The following CELF5 variants were observed in gnomAD, a reference collection of about 807,000 sequenced individuals.
CELF5 encodes CUGBP Elav-like family member 5.
A neutral mutation model predicts 54.9 loss-of-function variants in CELF5; 6 were observed. The observed-to-expected ratio is 0.11, with a 90% confidence interval of 0.06 to 0.22. CELF5 has a LOEUF of 0.22. CELF5 is among the 10% of genes least tolerant of loss of function. The probability of loss-of-function intolerance (pLI) is 1.00; values close to 1 mark genes in which losing one functional copy is unlikely to be tolerated. For synonymous variants in CELF5, 271 were observed against 290.9 expected (o/e 0.93, Z 0.70); for missense variants, 401 against 678.6 (o/e 0.59, Z 4.54).
At chr19:3,285,477 A>G (rs1202699949) in intron 9 of CELF5, among the ~76,000 whole-genome samples, 2 of 110,908 alleles carry the variant, frequency 1.8e-5, no homozygotes, top group Non-Finnish European at 3.7e-5. Flanking sequence ...GGTCCTGCCC[A>G]CATAGCCCTC....
chr19:3,285,121 T>A (rs962607913), intron 9 of CELF5, among the ~76,000 whole-genome samples, 157 bp downstream of exon 9: 1 of 139,174 alleles, frequency 7.2e-6, no homozygotes, highest in East Asian at 2.2e-4. Flanking sequence ...CCCCTTGTCC[T>A]GTATTCAACC....
chr19:3,256,216 T>TA (rs2079723703), intron 2 of CELF5, among the ~76,000 whole-genome samples: 1 of 152,116 alleles, frequency 6.6e-6, no homozygotes, highest in East Asian at 1.9e-4. Context: ...TATTCGTGGG[T>TA]AACTGCCTCT....
At chr19:3,289,415 C>T (rs2080305184) in intron 10 of CELF5, among the ~76,000 whole-genome samples, 1 of 152,128 alleles carries the variant, frequency 6.6e-6, no homozygotes, top group Non-Finnish European at 1.5e-5. Context: ...GGTGCAATGG[C>T]TCACGCCTGT....
At chr19:3,284,849 G>A in intron 8 of CELF5, 53 bp from the exon 9 acceptor site, 1 of 1,513,206 alleles carries the variant, frequency 6.6e-7, no homozygotes, top group Non-Finnish European at 9.2e-7. Context: ...ATCGGGGGTG[G>A]ATGGAAGACT....
At chr19:3,296,180 G>A (rs867965823) in intron 12 of CELF5, 70 of 127,624 alleles carry the variant, frequency 5.5e-4, no homozygotes, top group African/African-American at 2.0e-3. Flanking sequence ...GTGGGGTGGG[G>A]TGTCTTTGTG....
chr19:3,293,223 C>A, intron 11 of CELF5, 96 bp from the exon 12 acceptor site: 2 of 1,541,208 alleles, frequency 1.3e-6, no homozygotes, highest in Non-Finnish European at 8.8e-7. Context: ...CAGGCCTGCT[C>A]AGGACCCCGT....
intron 1 of CELF5, among the ~76,000 whole-genome samples, chr19:3,250,449 A>G (rs2079633267): frequency 6.6e-6 from 1 of 152,242 alleles, no homozygotes. Context: ...AGATCGCGCC[A>G]CTGCACTCCA....
intron 5 of CELF5, among the ~76,000 whole-genome samples, chr19:3,279,881 G>T (rs1402513289): frequency 6.6e-6 from 1 of 152,014 alleles, no homozygotes; most frequent in Non-Finnish European, 1.5e-5. Context: ...TTTTGTATTT[G>T]TAGTAGAGAC....
chr19:3,225,089 C>G, intron 1 of CELF5, 91 bp downstream of exon 1: 1 of 859,692 alleles, frequency 1.2e-6, no homozygotes, highest in Non-Finnish European at 1.7e-6. Context: ...CATCCCTCCT[C>G]TGCTCACCTC....
Position 3,224,864 on chromosome 19 carries a change from T to C in CELF5, c.125T>C (p.Leu42Pro), listed in dbSNP as rs1225435467. The C allele has an allele frequency of 6.2e-7, 1 of 1,606,704 alleles. No homozygotes were observed. The highest frequency in any genetic ancestry group is 8.5e-7 in the Non-Finnish European group (1 of 1,177,286). ...PGGQPDGMKD[L>P]DAIKLFVGQI... ...GGGCAGCCCGACGGCATGAAGGACCTGGACGCCATCAAACTCTTCGTGGGC... is the reference window on the plus strand; with the variant it reads ...GGGCAGCCCGACGGCATGAAGGACCCGGACGCCATCAAACTCTTCGTGGGC... The change falls in exon 1 of 13, where the codon CTG becomes CCG. Residue 42 changes from leucine to proline, a missense_variant. Leu to Pro is a moderately conservative substitution (Grantham distance 98). This residue lies in a region of CELF5 where 66 missense variants were observed against 132.3 expected (regional missense o/e 0.50). Coordinates refer to ENST00000292672, the MANE Select transcript of CELF5 (RefSeq NM_021938.4).
At chr19:3,270,565 G>T (rs993233420) in intron 2 of CELF5, 3 of 147,060 alleles carry the variant, frequency 2.0e-5, no homozygotes, top group African/African-American at 7.3e-5. Flanking sequence ...GCGGCGCGGG[G>T]CCCGAGCGTG....
At chr19:3,260,486 G>C (rs1454624430) in intron 2 of CELF5, among the ~76,000 whole-genome samples, 1 of 150,334 alleles carries the variant, frequency 6.7e-6, no homozygotes, top group African/African-American at 2.5e-5. Flanking sequence ...ATAGGGTCTT[G>C]CTCTGTTGCC....
intron 10 of CELF5, among the ~76,000 whole-genome samples, chr19:3,287,595 A>G (rs1229015954): frequency 6.6e-6 from 1 of 150,554 alleles, no homozygotes; most frequent in Non-Finnish European, 1.5e-5. Context: ...AAAAATAAAA[A>G]CGAGGAAAGC....
At chr19:3,274,745 A>T (rs141548372) in intron 3 of CELF5, among the ~76,000 whole-genome samples, 50 of 152,250 alleles carry the variant, frequency 3.3e-4, no homozygotes, top group African/African-American at 1.2e-3. Context: ...GAGTGGAGGC[A>T]TGGAGCAGGA....
At chr19:3,290,422 C>T in intron 11 of CELF5, 48 bp downstream of exon 11, 1 of 1,602,996 alleles carries the variant, frequency 6.2e-7, no homozygotes, top group Non-Finnish European at 8.5e-7. Flanking sequence ...CCCTCGCCTG[C>T]CCCCTGACAG....
intron 2 of CELF5, among the ~76,000 whole-genome samples, chr19:3,257,735 C>CA (rs1405342243): frequency 6.6e-6 from 1 of 151,856 alleles, no homozygotes; most frequent in Non-Finnish European, 1.5e-5. Flanking sequence ...CTCGGACTCC[C>CA]AAAGTGCTGG....
chr19:3,248,901 CCTTCCTTT>C (rs1186960426), intron 1 of CELF5, among the ~76,000 whole-genome samples: 191 of 104,248 alleles, frequency 1.8e-3, no homozygotes, highest in African/African-American at 3.1e-3. Context: ...TTCCTTCCTT[CCTTCCTTT>C]CTTTCTTTCT....
chr19:3,262,642 A>C (rs550041475), intron 2 of CELF5, among the ~76,000 whole-genome samples: 1 of 152,252 alleles, frequency 6.6e-6, no homozygotes, highest in Non-Finnish European at 1.5e-5. Flanking sequence ...AAGCAAGAGA[A>C]AGGCAAGATT....
chr19:3,228,385 A>G lies in CELF5; in HGVS notation c.259+3387A>G, dbSNP rs1040864439. 5.3e-5 allele frequency among the ~76,000 whole-genome samples: 8 copies of G among 152,138 alleles called. No individual in the cohort carries two copies. Among genetic ancestry groups the G allele is most frequent in the Non-Finnish European group, 1.2e-4 (8 of 67,990 alleles). ...TTGGGGCTCCCGCTGGCCCCCCTGC[A>G]GTTCCTGCCCCGGGGACCCTCCCTC... On this transcript the variant is annotated intron_variant, in intron 1 of 12. Coordinates refer to ENST00000292672, the MANE Select transcript of CELF5 (RefSeq NM_021938.4). The surrounding 1 kb of genome is among the most constrained non-coding windows in gnomAD (Gnocchi z 6.0).
Sources: allele counts gnomAD v4.1 joint callset (sites outside exome capture counted in the v4.1 genomes callset), GRCh38; gene constraint gnomAD v4.1.1; regional missense constraint gnomAD v4.1.1; non-coding constraint Gnocchi (gnomAD v3.1); transcripts MANE v1.5; gene names NCBI Gene and HGNC (gene_info 2026-07-23, HGNC 2026-07-21).